DLG2: variants seen among roughly 807,000 people sequenced by gnomAD.
DLG2 encodes discs large MAGUK scaffold protein 2.
DLG2 carries 45 observed loss-of-function variants against 132.5 expected under a neutral mutation model. The ratio of observed to expected loss-of-function variants is 0.34; its 90% CI spans 0.27 to 0.44. The LOEUF is 0.44. Among genes scored for constraint, DLG2 ranks in the 20% least tolerant of loss-of-function variants. The pLI is 1.00. For missense variants in DLG2, 1,045 were observed against 1,196.9 expected (o/e 0.87, Z 1.87); for synonymous variants, 424 against 419.6 (o/e 1.01, Z -0.13).
intron 6 of DLG2, among the ~76,000 whole-genome samples, chr11:84,775,569 C>T (rs2070308822): frequency 6.6e-6 from 1 of 151,904 alleles, no homozygotes; most frequent in South Asian, 2.1e-4. Flanking sequence ...ACATATACAC[C>T]ATGAAATACC....
At chr11:84,474,515 C>T (rs1285934839) in intron 7 of DLG2, among the ~76,000 whole-genome samples, 1 of 151,974 alleles carries the variant, frequency 6.6e-6, no homozygotes, top group Non-Finnish European at 1.5e-5. Flanking sequence ...TCACTTTTTG[C>T]CAATGAGTGT....
intron 16 of DLG2, among the ~76,000 whole-genome samples, chr11:83,846,840 G>T (rs1356587146): frequency 6.9e-6 from 1 of 145,264 alleles, no homozygotes; most frequent in Admixed American, 7.1e-5. Context: ...ATTTGTTTTT[G>T]TCTAAATTTC....
intron 3 of DLG2, among the ~76,000 whole-genome samples, chr11:85,506,124 G>C (rs761447609): frequency 5.9e-5 from 9 of 151,860 alleles, no homozygotes; most frequent in Non-Finnish European, 1.0e-4. Context: ...TTCTTTATTA[G>C]TCTGGCTAGT....
chr11:83,553,500 G>GTGTGTA (rs1204800044), intron 19 of DLG2, among the ~76,000 whole-genome samples: 3 of 148,774 alleles, frequency 2.0e-5, no homozygotes, highest in African/African-American at 7.7e-5. Context: ...GTGTGTGTGT[G>GTGTGTA]TGTGTGTGTG....
intron 3 of DLG2, among the ~76,000 whole-genome samples, chr11:85,546,818 C>CTTTTTTTTTTTTT (rs34822004): frequency 5.8e-5 from 4 of 69,000 alleles, no homozygotes; most frequent in Non-Finnish European, 7.9e-5. Flanking sequence ...ATAACCCCTG[C>CTTTTTTTTTTTTT]TTTTTTTTTT....
chr11:85,471,666 A>G (rs2092988697), intron 3 of DLG2, among the ~76,000 whole-genome samples: 2 of 152,234 alleles, frequency 1.3e-5, no homozygotes, highest in African/African-American at 4.8e-5. Flanking sequence ...AGAGATAGAG[A>G]TAAAAAAGCC....
intron 3 of DLG2, among the ~76,000 whole-genome samples, chr11:85,376,529 G>A (rs921441272): frequency 2.0e-5 from 3 of 152,146 alleles, no homozygotes; most frequent in Non-Finnish European, 4.4e-5. Flanking sequence ...ATCTGGGCAA[G>A]AGAGCAGATG....
chr11:84,552,572 C>T (rs2099403925), intron 6 of DLG2, among the ~76,000 whole-genome samples: 1 of 152,196 alleles, frequency 6.6e-6, no homozygotes, highest in Admixed American at 6.5e-5. Context: ...CTCATAGTTA[C>T]CTGTGCACTC....
intron 6 of DLG2, among the ~76,000 whole-genome samples, chr11:85,083,440 G>T (rs1298674904): frequency 6.6e-6 from 1 of 152,148 alleles, no homozygotes; most frequent in African/African-American, 2.4e-5. Context: ...CGATTTAAAA[G>T]TTTATTGTGC....
chr11:85,335,242 T>TC (rs1491454892), intron 3 of DLG2, among the ~76,000 whole-genome samples: 2 of 6,728 alleles, frequency 3.0e-4, no homozygotes, highest in Non-Finnish European at 3.3e-3. Flanking sequence ...GCATCTCTGC[T>TC]TTTTTTTTTT....
Position 84,819,824 on chromosome 11 carries a change from G to A in DLG2, c.358-285093C>T, listed in dbSNP as rs61897878. On this transcript the variant is annotated intron_variant, in intron 6 of 27. Coordinates refer to ENST00000376104, the MANE Select transcript of DLG2 (RefSeq NM_001142699.3). ...CCACAGCTTGACAAGTGATCACATG[G>A]GGTGTACCATACAGCCATGAGGAGA... Among the ~76,000 whole-genome samples the A allele has an allele frequency of 4.0e-3, 609 of 151,656 alleles. 4 individuals carry two copies. The highest frequency in any genetic ancestry group is 6.8e-3 in the Middle Eastern group (2 of 294).
Position 83,458,870 on chromosome 11 carries a change from T to TATC in DLG2, c.*945_*947dup, listed in dbSNP as rs1158760972. 3.3e-5 allele frequency: 5 copies of TATC among 152,228 alleles called. No homozygotes were observed. The highest frequency in any genetic ancestry group is 7.3e-5 in the Non-Finnish European group (5 of 68,042). The allele number at this position is 152,228 out of a possible 1,614,324, so 9.4% of individuals were successfully genotyped here. A position where few individuals can be genotyped will look rare whatever the true frequency, so the allele number is the denominator to read the frequency against. ...TTAAGGGATGTGCTGCATGAGAGTG[T>TATC]ATCACTAATGTGGAAGGGAGGTAAG... On this transcript the variant is annotated 3_prime_UTR_variant, in exon 28 of 28. Transcript: ENST00000376104.
intron 6 of DLG2, among the ~76,000 whole-genome samples, chr11:84,919,359 C>G (rs949902571): frequency 6.6e-6 from 1 of 152,124 alleles, no homozygotes; most frequent in South Asian, 2.1e-4. Context: ...CAAAGTAGTT[C>G]TTTTGAAATC....
intron 11 of DLG2, among the ~76,000 whole-genome samples, chr11:83,991,113 TGA>T (rs1222512236): frequency 5.9e-5 from 9 of 152,316 alleles, no homozygotes; most frequent in African/African-American, 1.9e-4. Flanking sequence ...TATTTTAATT[TGA>T]GAGAGTAGTT....
In DLG2 at chr11:84,430,026, T is replaced by C. The variant is rs1195824148; in HGVS notation, c.519+104544A>G. Reference sequence around the variant, plus strand: ...TAGGTTTAAAGAAGAACATAAAATATGAGTTGGGGCTAGGGTCACAGGCTG... The same window carrying C: ...TAGGTTTAAAGAAGAACATAAAATACGAGTTGGGGCTAGGGTCACAGGCTG... On this transcript the variant is annotated intron_variant, in intron 7 of 27. Coordinates refer to ENST00000376104, the MANE Select transcript of DLG2 (RefSeq NM_001142699.3). 5.9e-5 allele frequency among the ~76,000 whole-genome samples: 9 copies of C among 152,282 alleles called. No homozygotes were observed. The East Asian group carries it at 1.7e-3, about 29-fold the overall frequency.
At chr11:84,051,661 A>C (rs1366687481) in intron 11 of DLG2, among the ~76,000 whole-genome samples, 1 of 151,150 alleles carries the variant, frequency 6.6e-6, no homozygotes, top group Non-Finnish European at 1.5e-5. Flanking sequence ...ATTAGGAGAT[A>C]TACCTAATGT....
intron 6 of DLG2, among the ~76,000 whole-genome samples, chr11:84,737,221 A>G (rs2063954613): frequency 1.3e-5 from 2 of 151,924 alleles, no homozygotes; most frequent in Non-Finnish European, 2.9e-5. Flanking sequence ...GATATATTAT[A>G]ATTTTAGTGT....
intron 6 of DLG2, among the ~76,000 whole-genome samples, chr11:84,904,905 C>A (rs1262484387): frequency 6.6e-6 from 1 of 152,158 alleles, no homozygotes; most frequent in Non-Finnish European, 1.5e-5. Flanking sequence ...CTCTATAAAG[C>A]CAACTGGCTT....
intron 4 of DLG2, among the ~76,000 whole-genome samples, chr11:85,276,604 G>T (rs534638139): frequency 6.6e-6 from 1 of 152,100 alleles, no homozygotes; most frequent in Admixed American, 6.5e-5. Flanking sequence ...GAGCTGTACC[G>T]CCATGACTCA....
Sources: allele counts gnomAD v4.1 joint callset (sites outside exome capture counted in the v4.1 genomes callset), GRCh38; gene constraint gnomAD v4.1.1; transcripts MANE v1.5; gene names NCBI Gene and HGNC (gene_info 2026-07-23, HGNC 2026-07-21).